Variants in IL15 observed in about 807,000 individuals in gnomAD.
The protein encoded by IL15 is interleukin 15.
A neutral mutation model predicts 19.6 loss-of-function variants in IL15; 11 were observed. The observed-to-expected ratio is 0.56, with a 90% CI of 0.35 to 0.93. The LOEUF (loss-of-function observed/expected upper bound fraction) is 0.93. Ranked by LOEUF, IL15 falls within the 40% of genes least tolerant of loss-of-function variation. The pLI is 0.01. For synonymous variants in IL15, 58 were observed against 59.6 expected, an observed-to-expected ratio of 0.97 and a Z score of 0.12; for missense variants, 197 against 186.5, an observed-to-expected ratio of 1.06 and a Z score of -0.33.
At chr4:141,683,192 C>A (rs545562084) in intron 2 of IL15, among the ~76,000 whole-genome samples, 1 of 151,830 alleles carries the variant, frequency 6.6e-6, no homozygotes, top group African/African-American at 2.4e-5. Context: ...TCACTTGAAC[C>A]GGGTAGGTGG....
chr4:141,660,387 T>A (rs1399018802), intron 2 of IL15, among the ~76,000 whole-genome samples: 1 of 152,190 alleles, frequency 6.6e-6, no homozygotes, highest in East Asian at 1.9e-4. Flanking sequence ...CAAGCTTGGG[T>A]GGCCTTGAGT....
intron 2 of IL15, among the ~76,000 whole-genome samples, chr4:141,694,264 GCAGAGCGATAGTCAC>G (rs1729018732): frequency 6.6e-6 from 1 of 152,168 alleles, no homozygotes; most frequent in African/African-American, 2.4e-5. Flanking sequence ...AAAAAGAGAA[GCAGAGCGATAGTCAC>G]CTGAGAAAAT....
chr4:141,711,012 A>G (rs1729701228), intron 2 of IL15, among the ~76,000 whole-genome samples: 1 of 152,098 alleles, frequency 6.6e-6, no homozygotes, highest in Admixed American at 6.6e-5. Flanking sequence ...ATTGCGACTG[A>G]TGATACAGTG....
intron 2 of IL15, among the ~76,000 whole-genome samples, chr4:141,669,162 G>C (rs913348552): frequency 2.6e-5 from 4 of 152,094 alleles, no homozygotes; most frequent in African/African-American, 9.7e-5. Flanking sequence ...ACCTAAAATA[G>C]TAACTGAAAA....
chr4:141,723,532 A>G (rs565588556), intron 5 of IL15, among the ~76,000 whole-genome samples: 1 of 152,274 alleles, frequency 6.6e-6, no homozygotes, highest in East Asian at 1.9e-4. Context: ...ACATGGCCCT[A>G]CCAACACCTT....
At chr4:141,653,237 G>A (rs1185839464) in intron 1 of IL15, among the ~76,000 whole-genome samples, 1 of 152,072 alleles carries the variant, frequency 6.6e-6, no homozygotes, top group Non-Finnish European at 1.5e-5. Context: ...CATGCTTTGG[G>A]CATTCTAAAT....
At chr4:141,671,229 G>C (rs1456392000) in intron 2 of IL15, among the ~76,000 whole-genome samples, 4 of 152,070 alleles carry the variant, frequency 2.6e-5, no homozygotes, top group Admixed American at 2.0e-4. Context: ...TAAACCATTA[G>C]CTTTCATTTC....
chr4:141,683,592 A>AG (rs1251960311), intron 2 of IL15, among the ~76,000 whole-genome samples: 8 of 151,828 alleles, frequency 5.3e-5, no homozygotes, highest in Admixed American at 5.2e-4. Flanking sequence ...AAAAGAAAAA[A>AG]GAAAAAAAAA....
At chr4:141,666,115 T>TATTTATTTATTTA (rs1560908805) in intron 2 of IL15, among the ~76,000 whole-genome samples, 3 of 150,152 alleles carry the variant, frequency 2.0e-5, no homozygotes, top group Non-Finnish European at 3.0e-5. Context: ...TTTATTTATT[T>TATTTATTTATTTA]TTTGAGACGG....
At chr4:141,661,232 C>A (rs1727775611) in intron 2 of IL15, among the ~76,000 whole-genome samples, 1 of 152,084 alleles carries the variant, frequency 6.6e-6, no homozygotes, top group African/African-American at 2.4e-5. Flanking sequence ...GTGGAGGAGC[C>A]ACAGAGTGAT....
chr4:141,697,903 T>A (rs1434934992), intron 2 of IL15, among the ~76,000 whole-genome samples: 1 of 152,112 alleles, frequency 6.6e-6, no homozygotes, highest in African/African-American at 2.4e-5. Flanking sequence ...GTGAGCATCC[T>A]TGTCTTGTTC....
At chr4:141,714,154 TA>T (rs1323914033) in intron 2 of IL15, among the ~76,000 whole-genome samples, 1 of 152,098 alleles carries the variant, frequency 6.6e-6, no homozygotes, top group Non-Finnish European at 1.5e-5. Context: ...CATGTCTTTT[TA>T]TTTTAATTCA....
At chr4:141,697,229 G>T (rs968476118) in intron 2 of IL15, among the ~76,000 whole-genome samples, 10 of 152,076 alleles carry the variant, frequency 6.6e-5, no homozygotes, top group African/African-American at 2.4e-4. Flanking sequence ...TCTATATGTG[G>T]TTTGTCAGTT....
At chr4:141,657,214 T>C (rs77049040) in intron 2 of IL15, among the ~76,000 whole-genome samples, 3,117 of 152,180 alleles carry the variant, frequency 0.02, 110 homozygotes, top group African/African-American at 0.07. Context: ...AAATATAATA[T>C]AAAAGATAAA....
chr4:141,661,262 C>G (rs1490963927), intron 2 of IL15, among the ~76,000 whole-genome samples: 4 of 152,124 alleles, frequency 2.6e-5, no homozygotes, highest in Admixed American at 2.6e-4. Context: ...TGATGACTGT[C>G]ATCAGGTAAG....
At chr4:141,656,163 A>G (rs1727587688) in intron 1 of IL15, 23 bp from the exon 2 acceptor site, 2 of 398,326 alleles carry the variant, frequency 5.0e-6, no homozygotes, top group Admixed American at 4.4e-5. Context: ...TAATCCTCTT[A>G]TCCGTACCTT....
chr4:141,721,979 G>T lies in IL15; in HGVS notation c.166G>T (p.Asp56Tyr). The change falls in exon 5 of 8, where the codon GAT (aspartate) becomes TAT (tyrosine). Residue 56 changes from aspartate to tyrosine, a missense_variant. By Grantham distance (160) the Asp-to-Tyr change is radical. Coordinates refer to ENST00000320650, the MANE Select transcript of IL15 (RefSeq NM_000585.5). Reference sequence around the variant, plus strand: ...AGCCAACTGGGTGAATGTAATAAGTGATTTGAAAAAAATTGAAGATCTTAT... The same window carrying T: ...AGCCAACTGGGTGAATGTAATAAGTTATTTGAAAAAAATTGAAGATCTTAT... Reference protein sequence around the residue: ...TEANWVNVISDLKKIEDLIQS... With the variant: ...TEANWVNVISYLKKIEDLIQS... The T allele has an allele frequency of 6.3e-7, 1 of 1,590,936 alleles. No individual in the cohort carries two copies. The highest frequency in any genetic ancestry group is 1.1e-5 in the South Asian group (1 of 88,458).
chr4:141,679,379 C>A (rs1326523991), intron 2 of IL15, among the ~76,000 whole-genome samples: 1 of 152,142 alleles, frequency 6.6e-6, no homozygotes, highest in African/African-American at 2.4e-5. Context: ...AAACATTTTA[C>A]AGGTGAATAT....
At chr4:141,665,102 T>G (rs1011058487) in intron 2 of IL15, among the ~76,000 whole-genome samples, 2 of 152,110 alleles carry the variant, frequency 1.3e-5, no homozygotes, top group Non-Finnish European at 2.9e-5. Context: ...CCAGTACATT[T>G]TATCATTTTT....
Sources: gnomAD v4.1 joint callset for allele counts (sites outside exome capture counted in the v4.1 genomes callset) on GRCh38, gnomAD v4.1.1 for gene constraint, MANE v1.5 for transcripts, NCBI Gene and HGNC (gene_info 2026-07-23, HGNC 2026-07-21) for gene names.